Variants in TDRD5 observed in about 807,000 individuals in gnomAD.
TDRD5 encodes the protein tudor domain-containing protein 5.
TDRD5 carries 41 observed loss-of-function variants against 120.6 expected under a neutral mutation model. That is an observed-to-expected ratio of 0.34 (90% CI 0.26 to 0.44). The LOEUF (loss-of-function observed/expected upper bound fraction) is 0.44. TDRD5 is among the 20% of genes least tolerant of loss of function. The pLI, the probability that TDRD5 is intolerant of heterozygous loss-of-function variation, is 1.00. For synonymous variants in TDRD5, 430 were observed against 433.7 expected (o/e 0.99, Z 0.11); for missense variants, 1,006 against 1,221.2 (o/e 0.82, Z 2.63).
At chr1:179,682,785 C>T (rs72706777) in intron 17 of TDRD5, among the ~76,000 whole-genome samples, 1 of 152,038 alleles carries the variant, frequency 6.6e-6, no homozygotes, top group Non-Finnish European at 1.5e-5. Flanking sequence ...TAGGCAATAC[C>T]TAATACCTTC....
At chr1:179,614,082 A>AT (rs1293261550) in intron 4 of TDRD5, among the ~76,000 whole-genome samples, 29 of 152,216 alleles carry the variant, frequency 1.9e-4, no homozygotes, top group South Asian at 1.9e-3. Context: ...CTGTTTTTAA[A>AT]TTTTTTTATT....
At chr1:179,658,004 T>TC (rs1186555674) in intron 14 of TDRD5, among the ~76,000 whole-genome samples, 1 of 152,134 alleles carries the variant, frequency 6.6e-6, no homozygotes, top group African/African-American at 2.4e-5. Flanking sequence ...ATCTGCCCAA[T>TC]CCCTCCACCT....
intron 5 of TDRD5, 152 bp downstream of exon 5, chr1:179,618,834 C>A: frequency 3.8e-6 from 2 of 525,500 alleles, no homozygotes; most frequent in Non-Finnish European, 6.2e-6. Context: ...GAAAAAGAAA[C>A]AAAATACGTA....
chr1:179,637,710 G>A (rs1677839474), intron 9 of TDRD5, among the ~76,000 whole-genome samples: 1 of 85,068 alleles, frequency 1.2e-5, no homozygotes, highest in African/African-American at 4.1e-5. Context: ...GTAAGGCCCT[G>A]TCTGGGGGAA....
At chr1:179,643,835 T>C (rs1331462232) in intron 11 of TDRD5, among the ~76,000 whole-genome samples, 1 of 151,662 alleles carries the variant, frequency 6.6e-6, no homozygotes, top group Non-Finnish European at 1.5e-5. Flanking sequence ...ATATTCAGAG[T>C]CAAGAATATC....
At chr1:179,645,252 A>AT (rs1402886178) in intron 11 of TDRD5, among the ~76,000 whole-genome samples, 3 of 149,792 alleles carry the variant, frequency 2.0e-5, no homozygotes, top group African/African-American at 7.4e-5. Flanking sequence ...CGCCCGGCTA[A>AT]TTTTTTGTAT....
At chr1:179,634,417 T>G in intron 7 of TDRD5, 40 bp from the exon 8 acceptor site, 2 of 1,569,078 alleles carry the variant, frequency 1.3e-6, no homozygotes, top group South Asian at 1.2e-5. Flanking sequence ...ATTGGCCATT[T>G]GAGATGGAGT....
At chr1:179,632,287 C>T (rs1282095635) in intron 7 of TDRD5, among the ~76,000 whole-genome samples, 1 of 152,054 alleles carries the variant, frequency 6.6e-6, no homozygotes, top group Non-Finnish European at 1.5e-5. Flanking sequence ...CACTATGATA[C>T]CATGTACCTT....
In TDRD5 at chr1:179,592,765, T is replaced by C; in HGVS notation, c.150T>C (p.Tyr50=). The C allele has an allele frequency of 6.2e-7, 1 of 1,614,214 alleles. No homozygotes were observed. The highest frequency in any genetic ancestry group is 8.5e-7 in the Non-Finnish European group (1 of 1,180,032). The part of the protein sequence containing the change: ...GNHLPLRILG[Y]RSTMELVLDM... ...ATCTACCACTCCGAATCCTTGGGTA[T>C]CGGTCCACTATGGAGCTGGTATTGG... Residue 50 remains tyrosine (Y), a synonymous_variant, in exon 2 of 18, where the codon TAT becomes TAC. Transcript: ENST00000444136.
chr1:179,607,746 A>G (rs1190614348), intron 4 of TDRD5, among the ~76,000 whole-genome samples: 2 of 151,888 alleles, frequency 1.3e-5, no homozygotes, highest in East Asian at 3.8e-4. Flanking sequence ...ATACCTCTTA[A>G]TACATTGTTA....
chr1:179,644,105 T>C (rs1678208864), intron 11 of TDRD5, among the ~76,000 whole-genome samples: 1 of 152,144 alleles, frequency 6.6e-6, no homozygotes, highest in Admixed American at 6.5e-5. Context: ...ATTTTCAAAA[T>C]GTAAAAACTG....
intron 5 of TDRD5, among the ~76,000 whole-genome samples, chr1:179,619,830 A>G (rs1003457978): frequency 1.3e-5 from 2 of 152,098 alleles, no homozygotes; most frequent in African/African-American, 2.4e-5. Flanking sequence ...TCTGTTGCCC[A>G]GGCCTGTCTT....
chr1:179,649,435 T>C (rs1678588389), intron 11 of TDRD5, among the ~76,000 whole-genome samples: 1 of 152,184 alleles, frequency 6.6e-6, no homozygotes. Context: ...TCTGTCTGTC[T>C]TTCCATGCTG....
chr1:179,669,094 A>G (rs1679720581), intron 16 of TDRD5, 100 bp from the exon 17 acceptor site: 52 of 1,086,438 alleles, frequency 4.8e-5, no homozygotes, highest in Non-Finnish European at 4.1e-5. Flanking sequence ...TTATTATAAT[A>G]TGGAAATATT....
At chr1:179,690,094 G>A (rs752063876) in intron 17 of TDRD5, among the ~76,000 whole-genome samples, 7 of 152,186 alleles carry the variant, frequency 4.6e-5, no homozygotes, top group Non-Finnish European at 8.8e-5. Context: ...CCAGTGAGAT[G>A]AACCCAGCAC....
intron 14 of TDRD5, among the ~76,000 whole-genome samples, chr1:179,656,977 C>T (rs935983826): frequency 1.4e-4 from 21 of 152,076 alleles, no homozygotes; most frequent in African/African-American, 3.9e-4. Flanking sequence ...TGCTTGAACC[C>T]GGAAGACAGA....
At chr1:179,652,924 A>T (rs1253702069) in intron 13 of TDRD5, among the ~76,000 whole-genome samples, 1 of 152,228 alleles carries the variant, frequency 6.6e-6, no homozygotes, top group Non-Finnish European at 1.5e-5. Context: ...AGCTATGCAT[A>T]TAATGTATAT....
intron 11 of TDRD5, among the ~76,000 whole-genome samples, chr1:179,646,731 A>G (rs1043322817): frequency 9.9e-5 from 15 of 152,188 alleles, no homozygotes; most frequent in South Asian, 4.1e-4. Flanking sequence ...AAATCTCCTT[A>G]AGCTGATGAG....
At chr1:179,635,065 T>A (rs904128569) in intron 8 of TDRD5, among the ~76,000 whole-genome samples, 1 of 152,202 alleles carries the variant, frequency 6.6e-6, no homozygotes, top group Admixed American at 6.5e-5. Flanking sequence ...TGTCTCCCAT[T>A]ACTTATTTTG....
Sources: gnomAD v4.1 joint callset for allele counts (sites outside exome capture counted in the v4.1 genomes callset) on GRCh38, gnomAD v4.1.1 for gene constraint, MANE v1.5 for transcripts, NCBI Gene and HGNC (gene_info 2026-07-23, HGNC 2026-07-21) for gene names.